WWC1: variants seen among roughly 807,000 people sequenced by gnomAD.
WWC1 encodes protein KIBRA.
In WWC1, 55 loss-of-function variants were observed where a neutral mutation model predicts 138.4. That is an observed-to-expected ratio of 0.40 (90% confidence interval 0.32 to 0.50). WWC1 has a LOEUF of 0.50. Among genes scored for constraint, WWC1 ranks in the 20% least tolerant of loss-of-function variants. The pLI, the probability that WWC1 is intolerant of heterozygous loss-of-function variation, is 0.72. For synonymous variants in WWC1, 524 were observed against 564.9 expected (o/e 0.93, Z 1.03); for missense variants, 1,226 against 1,420.4 (o/e 0.86, Z 2.20).
At chr5:168,350,174 C>T (rs1220907271) in intron 1 of WWC1, among the ~76,000 whole-genome samples, 1 of 152,182 alleles carries the variant, frequency 6.6e-6, no homozygotes, top group Non-Finnish European at 1.5e-5. Flanking sequence ...CCTGACTCTG[C>T]CTGCTGCTGT....
At chr5:168,427,820 G>A (rs367912590) in intron 11 of WWC1, among the ~76,000 whole-genome samples, 5 of 151,932 alleles carry the variant, frequency 3.3e-5, no homozygotes, top group Admixed American at 3.3e-4. Context: ...AATTAGCTGG[G>A]TATGGTGGCA....
rs756689236 is a variant in WWC1 at position 168,454,114 on chromosome 5, G to C, written c.2658+14G>C. 5.0e-6 allele frequency: 8 copies of C among 1,609,808 alleles called. No individual in the cohort carries two copies. Among genetic ancestry groups the C allele is most frequent in the Non-Finnish European group, 6.8e-6 (8 of 1,178,888 alleles). ...CCAGCATTAAAGGTAGGAAGGGCTG[G>C]GGGGATAGAAGGGCTGTCGTGGGGA... On this transcript the variant is annotated intron_variant, in intron 18 of 22. Transcript: ENST00000265293.
intron 15 of WWC1, among the ~76,000 whole-genome samples, chr5:168,433,738 A>G (rs527517755): frequency 7.2e-5 from 11 of 152,182 alleles, no homozygotes; most frequent in Non-Finnish European, 1.0e-4. Context: ...GGGTTTTGCC[A>G]TGTTGGCCAG....
chr5:168,423,767 G>A lies in WWC1; in HGVS notation c.1509G>A (p.Glu503=), dbSNP rs1171581501. Residue 503 remains glutamate (E), a synonymous_variant, in exon 11 of 23, where the codon GAG becomes GAA. Coordinates refer to ENST00000265293, the MANE Select transcript of WWC1 (RefSeq NM_015238.3). ...RPSGCITTIH[E]DEVAKTQKAE... ...CAGGCTGCATCACCACCATCCACGA[G>A]GATGAGGTGGCCAAGACCCAGAAGG... 13 of 1,613,880 alleles carry A rather than the reference G, an allele frequency of 8.1e-6. No individual in the cohort carries two copies. The highest frequency in any genetic ancestry group is 1.1e-5 in the Non-Finnish European group (13 of 1,179,944).
At chr5:168,419,678 T>G (rs529385963) in intron 9 of WWC1, among the ~76,000 whole-genome samples, 1 of 152,180 alleles carries the variant, frequency 6.6e-6, no homozygotes, top group Non-Finnish European at 1.5e-5. Context: ...GAAAGACTAG[T>G]CTAGTAGACA....
At chr5:168,299,765 A>G (rs540889530) in intron 1 of WWC1, among the ~76,000 whole-genome samples, 1 of 152,272 alleles carries the variant, frequency 6.6e-6, no homozygotes, top group African/African-American at 2.4e-5. Flanking sequence ...AATAAGTGTG[A>G]GTCGAAGGTG....
intron 1 of WWC1, among the ~76,000 whole-genome samples, chr5:168,304,098 A>G (rs1770331743): frequency 6.6e-6 from 1 of 152,242 alleles, no homozygotes; most frequent in African/African-American, 2.4e-5. Context: ...TAATCACATT[A>G]GACATCTCTC....
chr5:168,340,754 A>C (rs1451589045), intron 1 of WWC1, among the ~76,000 whole-genome samples: 1 of 152,200 alleles, frequency 6.6e-6, no homozygotes, highest in Non-Finnish European at 1.5e-5. Flanking sequence ...TATTTGGGTT[A>C]TTCTCACTTT....
At chr5:168,400,888 AAGGG>A (rs1339067301) in intron 5 of WWC1, among the ~76,000 whole-genome samples, 37 of 141,712 alleles carry the variant, frequency 2.6e-4, no homozygotes, top group African/African-American at 8.7e-4. Flanking sequence ...AGAAGAAAGA[AAGGG>A]AGGGAGGGAG....
intron 22 of WWC1, among the ~76,000 whole-genome samples, chr5:168,468,516 T>G (rs1471297118): frequency 6.6e-6 from 1 of 152,208 alleles, no homozygotes; most frequent in Non-Finnish European, 1.5e-5. Context: ...AAAAATTCCT[T>G]TGTGGAATAT....
At chr5:168,348,644 G>A (rs1044342915) in intron 1 of WWC1, among the ~76,000 whole-genome samples, 1 of 152,180 alleles carries the variant, frequency 6.6e-6, no homozygotes, top group Non-Finnish European at 1.5e-5. Flanking sequence ...GAAATACAAA[G>A]GTGCCATCCG....
intron 3 of WWC1, among the ~76,000 whole-genome samples, chr5:168,395,334 T>A (rs1778817398): frequency 6.6e-6 from 1 of 152,224 alleles, no homozygotes; most frequent in Non-Finnish European, 1.5e-5. Context: ...TGAGGACGTT[T>A]CTGTGTGTCT....
In WWC1 at chr5:168,327,006, G is replaced by C. The variant is rs1005701321; in HGVS notation, c.119+34735G>C. On this transcript the variant is annotated intron_variant, in intron 1 of 22. Coordinates refer to ENST00000265293, the MANE Select transcript of WWC1 (RefSeq NM_015238.3). Reference sequence around the variant, plus strand: ...CCTTCTATGCACTGGCCATATGCAGGCCAGTGTCTGAGTTAAGGTGTCATT... The same window carrying C: ...CCTTCTATGCACTGGCCATATGCAGCCCAGTGTCTGAGTTAAGGTGTCATT... Among the ~76,000 whole-genome samples, 3 of 152,154 alleles carry C rather than the reference G, an allele frequency of 2.0e-5. No individual in the cohort carries two copies. In the East Asian group the frequency reaches 5.8e-4, roughly 29 times the overall value.
At chr5:168,447,711 T>C (rs1297736284) in intron 17 of WWC1, among the ~76,000 whole-genome samples, 1 of 152,174 alleles carries the variant, frequency 6.6e-6, no homozygotes, top group Non-Finnish European at 1.5e-5. Flanking sequence ...GTTCCTGGAA[T>C]TTTTGTATGT....
intron 17 of WWC1, 65 bp downstream of exon 17, chr5:168,444,650 C>G: frequency 3.9e-6 from 6 of 1,542,304 alleles, no homozygotes; most frequent in Non-Finnish European, 5.3e-6. Flanking sequence ...GCAATGAGAT[C>G]CCCCAATGCC....
chr5:168,451,901 G>GTGTT (rs1299790742), intron 17 of WWC1, among the ~76,000 whole-genome samples: 1 of 83,018 alleles, frequency 1.2e-5, no homozygotes, highest in East Asian at 3.4e-4. Flanking sequence ...ATTTGTTGGT[G>GTGTT]TCTTTTTTTT....
chr5:168,372,789 T>C (rs1397446418), intron 2 of WWC1, among the ~76,000 whole-genome samples: 8 of 152,342 alleles, frequency 5.3e-5, no homozygotes, highest in African/African-American at 1.7e-4. Context: ...TTCATCACCC[T>C]GTATTATAAT....
At chr5:168,442,961 C>G (rs56883202) in intron 16 of WWC1, among the ~76,000 whole-genome samples, 1,642 of 152,240 alleles carry the variant, frequency 0.011, 33 homozygotes, top group African/African-American at 0.038. Context: ...AACTGTCTCC[C>G]CCGTTTGGAA....
rs1016001111 is a variant in WWC1, at chr5:168,471,691, T to G, written c.*2674T>G. ...CAGCTGAGCCATTCAGAACCATTCC[T>G]TAGCATTTTCCACTCAAAGGTTAGA... On this transcript the variant is annotated 3_prime_UTR_variant, in exon 23 of 23. Transcript: ENST00000265293. 6.6e-6 allele frequency: 1 copy of G among 152,296 alleles called. No homozygotes were observed. Among genetic ancestry groups the G allele is most frequent in the African/African-American group, 2.4e-5 (1 of 41,468 alleles). The allele number at this position is 152,296 out of a possible 1,614,324, so 9.4% of individuals were successfully genotyped here.
Sources: gnomAD v4.1 joint callset for allele counts (sites outside exome capture counted in the v4.1 genomes callset) on GRCh38, gnomAD v4.1.1 for gene constraint, MANE v1.5 for transcripts, NCBI Gene and HGNC (gene_info 2026-07-23, HGNC 2026-07-21) for gene names.